The following LRP1B variants were observed in gnomAD, a reference collection of about 807,000 sequenced individuals.
LRP1B encodes low-density lipoprotein receptor-related protein 1B.
Under a neutral mutation model 556.6 loss-of-function variants are expected in LRP1B, and 217 were observed. The observed-to-expected ratio is 0.39, with a 90% CI of 0.35 to 0.44. LRP1B has a LOEUF of 0.44. Among genes scored for constraint, LRP1B ranks in the 20% least tolerant of loss-of-function variants. The probability of loss-of-function intolerance (pLI) is 1.00; values close to 1 mark genes in which losing one functional copy is unlikely to be tolerated. For missense variants in LRP1B, 5,053 were observed against 5,620.8 expected (o/e 0.90, Z 3.23); for synonymous variants, 2,047 against 1,865.8 (o/e 1.10, Z -2.50).
chr2:141,377,153 T>G (rs972774437), intron 3 of LRP1B, among the ~76,000 whole-genome samples: 1 of 152,162 alleles, frequency 6.6e-6, no homozygotes, highest in African/African-American at 2.4e-5. Context: ...ATGTATCTGT[T>G]TTCATGGAGT....
intron 22 of LRP1B, among the ~76,000 whole-genome samples, chr2:140,907,160 C>G (rs1248283805): frequency 6.6e-6 from 1 of 151,952 alleles, no homozygotes; most frequent in East Asian, 1.9e-4. Flanking sequence ...ATTCTGTAAA[C>G]TGTTCTTCAT....
intron 2 of LRP1B, among the ~76,000 whole-genome samples, chr2:141,508,991 T>C (rs1303494728): frequency 6.6e-6 from 1 of 152,178 alleles, no homozygotes; most frequent in East Asian, 1.9e-4. Context: ...GCATATTTAC[T>C]GACAAGTCGT....
chr2:141,578,782 C>T (rs944749954), intron 2 of LRP1B, among the ~76,000 whole-genome samples: 3 of 152,012 alleles, frequency 2.0e-5, no homozygotes, highest in Admixed American at 1.3e-4. Context: ...TGAAGGAAGC[C>T]CTAGAGACAG....
intron 1 of LRP1B, among the ~76,000 whole-genome samples, chr2:141,924,220 A>T (rs1246909164): frequency 6.6e-6 from 1 of 151,944 alleles, no homozygotes; most frequent in Non-Finnish European, 1.5e-5. Context: ...ACGGTGTAGC[A>T]GGGAAAGAGA....
intron 41 of LRP1B, among the ~76,000 whole-genome samples, chr2:140,690,806 C>G (rs1193045040): frequency 1.3e-5 from 2 of 152,024 alleles, no homozygotes; most frequent in Non-Finnish European, 1.5e-5. Context: ...TTATTTTTAC[C>G]CTTTTCCTAT....
intron 6 of LRP1B, among the ~76,000 whole-genome samples, chr2:141,222,654 C>G (rs985414453): frequency 3.3e-5 from 5 of 152,150 alleles, no homozygotes; most frequent in African/African-American, 9.7e-5. Context: ...CAAACCAAAT[C>G]CAGCAGCACA....
chr2:141,163,851 TA>T, intron 7 of LRP1B, among the ~76,000 whole-genome samples: 1 of 152,066 alleles, frequency 6.6e-6, no homozygotes, highest in East Asian at 1.9e-4. Flanking sequence ...AATGAACTAA[TA>T]CAGGTATCAA....
chr2:141,381,273 A>G (rs1034106449), intron 3 of LRP1B, among the ~76,000 whole-genome samples: 4 of 152,098 alleles, frequency 2.6e-5, no homozygotes, highest in Non-Finnish European at 5.9e-5. Context: ...ACTAAAAACT[A>G]TAAGTGGTTC....
intron 1 of LRP1B, among the ~76,000 whole-genome samples, chr2:142,040,382 T>G (rs536064786): frequency 6.6e-6 from 1 of 151,488 alleles, no homozygotes; most frequent in East Asian, 1.9e-4. Context: ...GGAGGCAAAT[T>G]TATCCTAGAG....
intron 20 of LRP1B, among the ~76,000 whole-genome samples, chr2:140,930,942 C>A (rs888715439): frequency 6.6e-6 from 1 of 152,060 alleles, no homozygotes; most frequent in Non-Finnish European, 1.5e-5. Flanking sequence ...TGTGGACATA[C>A]CTTTGTCTGT....
intron 41 of LRP1B, among the ~76,000 whole-genome samples, chr2:140,668,851 T>A (rs1685381014): frequency 6.6e-6 from 1 of 152,050 alleles, no homozygotes. Context: ...AAAATATGAA[T>A]TTTCCAGATA....
At chr2:140,885,809 A>G (rs1234163188) in intron 24 of LRP1B, among the ~76,000 whole-genome samples, 1 of 151,974 alleles carries the variant, frequency 6.6e-6, no homozygotes, top group Non-Finnish European at 1.5e-5. Flanking sequence ...TAAAAAAAAA[A>G]AAAAAACAAG....
chr2:140,985,451 G>A (rs1006953898), intron 17 of LRP1B, among the ~76,000 whole-genome samples: 19 of 151,194 alleles, frequency 1.3e-4, no homozygotes, highest in Non-Finnish European at 5.9e-5. Flanking sequence ...CTATGGTGGG[G>A]AGAAATGTTG....
At chr2:141,086,259 G>A (rs1700044222) in intron 7 of LRP1B, among the ~76,000 whole-genome samples, 1 of 152,138 alleles carries the variant, frequency 6.6e-6, no homozygotes, top group South Asian at 2.1e-4. Context: ...TGGATCAAAA[G>A]CATATATATT....
In LRP1B at chr2:141,509,992, C is replaced by A. The variant is rs147597099; in HGVS notation, c.206-29459G>T. 7.0e-3 allele frequency among the ~76,000 whole-genome samples: 1,059 copies of A among 152,002 alleles called. 12 individuals are homozygous for A. Among genetic ancestry groups the A allele is most frequent in the African/African-American group, 0.024 (1,004 of 41,444 alleles). On this transcript the variant is annotated intron_variant, in intron 2 of 90. Transcript: ENST00000389484. ...CTTTTGTCCTCTATCATTTAGAAAA[C>A]TCAGTAGAAGAGATAAGGAGAAAAG...
intron 3 of LRP1B, among the ~76,000 whole-genome samples, chr2:141,377,611 C>T (rs549049447): frequency 1.3e-5 from 2 of 151,996 alleles, no homozygotes; most frequent in Non-Finnish European, 2.9e-5. Flanking sequence ...TAGAAAAATG[C>T]ACAATTGAAT....
At chr2:142,089,432 AGTC>A (rs1271314525) in intron 1 of LRP1B, among the ~76,000 whole-genome samples, 2 of 152,252 alleles carry the variant, frequency 1.3e-5, no homozygotes, top group African/African-American at 4.8e-5. Context: ...GGGTTGGAAA[AGTC>A]TTCTTGGAAA....
At chr2:141,608,986 C>T (rs1688015259) in intron 2 of LRP1B, among the ~76,000 whole-genome samples, 1 of 152,250 alleles carries the variant, frequency 6.6e-6, no homozygotes, top group South Asian at 2.1e-4. Context: ...AGTTGGATAG[C>T]ACTTCTTTAA....
At chr2:141,856,156 A>G (rs1698043930) in intron 1 of LRP1B, among the ~76,000 whole-genome samples, 1 of 152,152 alleles carries the variant, frequency 6.6e-6, no homozygotes, top group African/African-American at 2.4e-5. Flanking sequence ...ACCTTCTTGA[A>G]TTGCATTTTG....
Sources: allele counts gnomAD v4.1 joint callset (sites outside exome capture counted in the v4.1 genomes callset), GRCh38; gene constraint gnomAD v4.1.1; transcripts MANE v1.5; gene names NCBI Gene and HGNC (gene_info 2026-07-23, HGNC 2026-07-21).